Variants in EPB41L4A observed in about 807,000 individuals in gnomAD.
The protein encoded by EPB41L4A is erythrocyte membrane protein band 4.1 like 4A.
A neutral mutation model predicts 108.6 loss-of-function variants in EPB41L4A; 100 were observed. That is an observed-to-expected ratio of 0.92 (90% confidence interval 0.78 to 1.09). The LOEUF (loss-of-function observed/expected upper bound fraction) is 1.09. Ranked by LOEUF, EPB41L4A falls within the 50% of genes least tolerant of loss-of-function variation. EPB41L4A has a pLI of 0.00. For synonymous variants in EPB41L4A, 319 were observed against 289.0 expected (o/e 1.10, Z -1.05); for missense variants, 1,030 against 842.7 (o/e 1.22, Z -2.75).
At chr5:112,330,420 C>A (rs1756487522) in intron 1 of EPB41L4A, among the ~76,000 whole-genome samples, 1 of 152,022 alleles carries the variant, frequency 6.6e-6, no homozygotes, top group African/African-American at 2.4e-5. Context: ...AAATTCATTT[C>A]TTTTTTAAGG....
chr5:112,352,953 C>A (rs1273760138), intron 1 of EPB41L4A, among the ~76,000 whole-genome samples: 7 of 152,124 alleles, frequency 4.6e-5, no homozygotes, highest in Admixed American at 4.6e-4. Flanking sequence ...TCTTCCAATT[C>A]TTTGGATTGG....
intron 12 of EPB41L4A, among the ~76,000 whole-genome samples, chr5:112,152,138 T>A: frequency 6.7e-6 from 1 of 150,158 alleles, no homozygotes; most frequent in Admixed American, 6.6e-5. Context: ...AGAAAAATAT[T>A]AAATAAAAAC....
chr5:112,291,163 C>A (rs557825680), intron 2 of EPB41L4A, among the ~76,000 whole-genome samples: 2 of 152,264 alleles, frequency 1.3e-5, no homozygotes, highest in East Asian at 3.9e-4. Context: ...TTGACATTTC[C>A]AACAGAAATG....
intron 18 of EPB41L4A, among the ~76,000 whole-genome samples, chr5:112,173,380 T>C (rs544242012): frequency 6.6e-6 from 1 of 152,008 alleles, no homozygotes; most frequent in Non-Finnish European, 1.5e-5. Flanking sequence ...TGGTGAGAGA[T>C]AGTGACTATG....
At chr5:112,411,534 T>C (rs1762412669) in intron 1 of EPB41L4A, among the ~76,000 whole-genome samples, 2 of 152,026 alleles carry the variant, frequency 1.3e-5, no homozygotes, top group Non-Finnish European at 2.9e-5. Flanking sequence ...TTTTATCCTA[T>C]GTACCTAAAA....
chr5:112,403,679 C>G (rs1761921344), intron 1 of EPB41L4A, among the ~76,000 whole-genome samples: 1 of 152,068 alleles, frequency 6.6e-6, no homozygotes, highest in Non-Finnish European at 1.5e-5. Flanking sequence ...TGTTGTCCAA[C>G]CTGGTCTCAA....
intron 17 of EPB41L4A, 72 bp downstream of exon 17, chr5:112,194,496 A>G: frequency 1.2e-6 from 1 of 837,476 alleles, no homozygotes; most frequent in Admixed American, 2.6e-5. Flanking sequence ...CTTACAAAGG[A>G]CACTCAGTTT....
At chr5:112,193,756 G>A (rs1192670558) in intron 17 of EPB41L4A, among the ~76,000 whole-genome samples, 5 of 152,204 alleles carry the variant, frequency 3.3e-5, no homozygotes, top group African/African-American at 9.7e-5. Context: ...CCTGTGCATC[G>A]CACGATGTTT....
At chr5:112,210,385 T>C (rs901254334) in intron 12 of EPB41L4A, among the ~76,000 whole-genome samples, 10 of 152,160 alleles carry the variant, frequency 6.6e-5, no homozygotes, top group African/African-American at 2.4e-4. Flanking sequence ...ACAGTCCCCA[T>C]TTGAAATCAA....
intron 12 of EPB41L4A, among the ~76,000 whole-genome samples, chr5:112,224,345 TC>T (rs1256789309): frequency 6.6e-6 from 1 of 152,114 alleles, no homozygotes; most frequent in African/African-American, 2.4e-5. Flanking sequence ...TCTGGGAAGA[TC>T]TTTTTCACAA....
At chr5:112,406,521 G>C (rs916313617) in intron 1 of EPB41L4A, among the ~76,000 whole-genome samples, 2 of 151,902 alleles carry the variant, frequency 1.3e-5, no homozygotes, top group East Asian at 1.9e-4. Flanking sequence ...AGCTTCCCTC[G>C]AGCAGAAGAC....
In EPB41L4A at chr5:112,259,266, T is replaced by C. The variant is rs1321493172; in HGVS notation, c.758A>G (p.Lys253Arg). ...TACTCTGAGTTCAAATTGAGTCTCC[T>C]TGAAGTGAACCTTTGTAATCCGAGG... ...FWPRITKVHFKETQFELRVLG... is the reference protein window; with the variant it reads ...FWPRITKVHFRETQFELRVLG... Residue 253 changes from lysine to arginine, a missense_variant, in exon 9 of 23, where the codon AAG (lysine) becomes AGG (arginine). By Grantham distance (26) the Lys-to-Arg change is conservative. Transcript: ENST00000261486. The C allele has an allele frequency of 6.2e-7, 1 of 1,614,024 alleles. No individual in the cohort carries two copies. Among genetic ancestry groups the C allele is most frequent in the Admixed American group, 1.7e-5 (1 of 60,028 alleles).
chr5:112,272,592 C>G (rs986243409), intron 4 of EPB41L4A, among the ~76,000 whole-genome samples: 1 of 151,486 alleles, frequency 6.6e-6, no homozygotes, highest in Non-Finnish European at 1.5e-5. Flanking sequence ...CCAGCCTGCC[C>G]AACATGGCGA....
intron 9 of EPB41L4A, among the ~76,000 whole-genome samples, chr5:112,245,680 C>T (rs1750158159): frequency 6.6e-6 from 1 of 152,082 alleles, no homozygotes; most frequent in Non-Finnish European, 1.5e-5. Flanking sequence ...ATTTTGAGGT[C>T]CCATGGGACA....
intron 1 of EPB41L4A, among the ~76,000 whole-genome samples, chr5:112,374,248 T>C (rs1360382188): frequency 6.6e-6 from 1 of 152,080 alleles, no homozygotes; most frequent in Non-Finnish European, 1.5e-5. Flanking sequence ...TGATTGGGAG[T>C]GGAAACAAAA....
intron 1 of EPB41L4A, among the ~76,000 whole-genome samples, chr5:112,346,215 C>CTTTTTTTTTTTTTTTTTTTTTT (rs1479210695): frequency 6.1e-5 from 3 of 49,040 alleles, no homozygotes; most frequent in African/African-American, 9.1e-5. Flanking sequence ...AGGTACATTG[C>CTTTTTTTTTTTTTTTTTTTTTT]ATTTTTTTTT....
chr5:112,179,961 G>C (rs1243207671), intron 18 of EPB41L4A, among the ~76,000 whole-genome samples: 2 of 152,084 alleles, frequency 1.3e-5, no homozygotes, highest in African/African-American at 4.8e-5. Flanking sequence ...AATTTAACAA[G>C]GCTTATGGGG....
chr5:112,262,665 A>G, intron 6 of EPB41L4A, 84 bp from the exon 7 acceptor site: 1 of 1,100,842 alleles, frequency 9.1e-7, no homozygotes, highest in Non-Finnish European at 1.4e-6. Context: ...ATTGTATTCA[A>G]TGGGAAAACA....
In EPB41L4A at chr5:112,266,501, T is replaced by C. The variant is rs917384217; in HGVS notation, c.336-171A>G. Reference sequence around the variant, plus strand: ...GAACAGGAACTACTTAAACATACCTTACAGAGGCAATACACGGTTGTCGCT... The same window carrying C: ...GAACAGGAACTACTTAAACATACCTCACAGAGGCAATACACGGTTGTCGCT... On this transcript the variant is annotated intron_variant, in intron 4 of 22. Transcript: ENST00000261486. Among the ~76,000 whole-genome samples the C allele has an allele frequency of 3.9e-5, 6 of 152,154 alleles. 1 individual carries two copies. Among genetic ancestry groups the C allele is most frequent in the Admixed American group, 2.0e-4 (3 of 15,276 alleles).
Sources: gnomAD v4.1 joint callset for allele counts (sites outside exome capture counted in the v4.1 genomes callset) on GRCh38, gnomAD v4.1.1 for gene constraint, MANE v1.5 for transcripts, NCBI Gene and HGNC (gene_info 2026-07-23, HGNC 2026-07-21) for gene names.